Variants in GRIA3 observed in about 807,000 individuals in gnomAD.
GRIA3 encodes glutamate receptor 3.
GRIA3 carries 3 observed loss-of-function variants against 63.0 expected under a neutral mutation model. The ratio of observed to expected loss-of-function variants is 0.05; its 90% CI spans 0.02 to 0.12. GRIA3 has a LOEUF of 0.12. Ranked by LOEUF, GRIA3 falls within the 10% of genes least tolerant of loss-of-function variation. The pLI, the probability that GRIA3 is intolerant of heterozygous loss-of-function variation, is 1.00. For missense variants in GRIA3, 347 were observed against 700.9 expected (o/e 0.50, Z 5.70); for synonymous variants, 274 against 257.9 (o/e 1.06, Z -0.60).
intron 12 of GRIA3, among the ~76,000 whole-genome samples, chrX:123,446,964 G>A (rs1288822281): frequency 1.8e-5 from 2 of 112,302 alleles, no homozygotes; most frequent in Admixed American, 1.9e-4. Flanking sequence ...TGTTTTTCAA[G>A]TTACTGTATT....
chrX:123,188,684 AG>A, intron 2 of GRIA3, among the ~76,000 whole-genome samples: 1 of 111,730 alleles, frequency 9.0e-6, no homozygotes, highest in Non-Finnish European at 1.9e-5. Context: ...CAAAAATTAA[AG>A]AAACTTTCCC....
At chrX:123,229,396 T>A (rs987450836) in intron 2 of GRIA3, among the ~76,000 whole-genome samples, 3 of 112,250 alleles carry the variant, frequency 2.7e-5, no homozygotes, top group African/African-American at 9.7e-5. Flanking sequence ...TCACAGTTAC[T>A]TTTTTTGCTT....
chrX:123,297,986 T>C (rs1027883608), intron 3 of GRIA3, among the ~76,000 whole-genome samples: 2 of 111,401 alleles, frequency 1.8e-5, no homozygotes, highest in Non-Finnish European at 1.9e-5. Flanking sequence ...TTTGTTTTTC[T>C]GTTCCTGTGT....
chrX:123,289,202 A>G (rs2213497), intron 3 of GRIA3, among the ~76,000 whole-genome samples: 16,005 of 109,959 alleles, frequency 0.15, 1,120 homozygotes, highest in Non-Finnish European at 0.21. Flanking sequence ...TCTCACTCAC[A>G]AGTGGGAGTT....
chrX:123,439,907 A>G (rs758529638), intron 12 of GRIA3, among the ~76,000 whole-genome samples: 4 of 111,085 alleles, frequency 3.6e-5, no homozygotes, highest in Non-Finnish European at 5.7e-5. Flanking sequence ...TAAGTCCAGT[A>G]CCCAATAGTT....
chrX:123,264,980 T>C (rs757170185), intron 3 of GRIA3, among the ~76,000 whole-genome samples: 15 of 111,567 alleles, frequency 1.3e-4, no homozygotes, highest in Non-Finnish European at 2.4e-4. Context: ...TTTCTGGTCC[T>C]CAGATTCCAC....
chrX:123,218,512 T>G (rs1928215812), intron 2 of GRIA3, among the ~76,000 whole-genome samples: 1 of 111,380 alleles, frequency 9.0e-6, no homozygotes, highest in Admixed American at 9.5e-5. Flanking sequence ...CAGGCTGGAG[T>G]GCAGTGGCGC....
At chrX:123,258,128 C>T (rs1446546613) in intron 3 of GRIA3, among the ~76,000 whole-genome samples, 1 of 112,506 alleles carries the variant, frequency 8.9e-6, no homozygotes, top group Non-Finnish European at 1.9e-5. Flanking sequence ...TATGTTTACA[C>T]CTGCCCTCCC....
At chrX:123,395,578 A>G (rs1603132354) in intron 6 of GRIA3, among the ~76,000 whole-genome samples, 1 of 112,072 alleles carries the variant, frequency 8.9e-6, no homozygotes, top group East Asian at 2.8e-4. Flanking sequence ...TAAAGAGTGT[A>G]CATTGCCTAT....
At chrX:123,474,950 G>A (rs1456408428) in intron 13 of GRIA3, among the ~76,000 whole-genome samples, 1 of 111,075 alleles carries the variant, frequency 9.0e-6, no homozygotes, top group Non-Finnish European at 1.9e-5. Flanking sequence ...GAGATAAGCA[G>A]AAATTTTTAT....
chrX:123,315,262 T>C (rs1159596572), intron 3 of GRIA3, among the ~76,000 whole-genome samples: 1 of 112,122 alleles, frequency 8.9e-6, no homozygotes. Flanking sequence ...AACGGTAAAT[T>C]AAGGATTGAA....
At position 123,482,784 on chromosome X, in the gene GRIA3, G is replaced by A. The variant is rs1569443319; in HGVS notation, c.2440-15G>A. 2 of 1,208,473 alleles carry A rather than the reference G, an allele frequency of 1.7e-6. No homozygotes were observed. Among genetic ancestry groups the A allele is most frequent in the Non-Finnish European group, 2.2e-6 (2 of 893,716 alleles). Reference sequence around the variant, plus strand: ...GTTTTCCCCAAGATCTAATCACGTTGTTCATTTCTCTTAGGACAAGACCAG... The same window carrying A: ...GTTTTCCCCAAGATCTAATCACGTTATTCATTTCTCTTAGGACAAGACCAG... On this transcript the variant is annotated splice_polypyrimidine_tract_variant and intron_variant, in intron 14 of 15. Coordinates refer to ENST00000620443, the MANE Select transcript of GRIA3 (RefSeq NM_007325.5).
intron 4 of GRIA3, among the ~76,000 whole-genome samples, chrX:123,347,358 A>G (rs2045058255): frequency 8.9e-6 from 1 of 112,534 alleles, no homozygotes; most frequent in Non-Finnish European, 1.9e-5. Flanking sequence ...CCCAGTAGAA[A>G]GAGAAATCTG....
At chrX:123,339,740 C>T (rs2044997420) in intron 4 of GRIA3, among the ~76,000 whole-genome samples, 1 of 112,131 alleles carries the variant, frequency 8.9e-6, no homozygotes, top group African/African-American at 3.2e-5. Context: ...TCAGCATGAA[C>T]GCTAGTAAGA....
rs995826662 is a variant in GRIA3, at chrX:123,314,350, G to C, written c.509-11676G>C. The stretch of plus-strand genomic sequence containing the variant: ...CTCCTGCCCTCTGTGAGTTTGCATC[G>C]CAGGCAGTCTATCCCAGAACAATTA... On this transcript the variant is annotated intron_variant, in intron 3 of 15. Transcript: ENST00000620443. 8.9e-5 allele frequency among the ~76,000 whole-genome samples: 10 copies of C among 112,593 alleles called. No individual in the cohort carries two copies. In the East Asian group the frequency reaches 2.8e-3, roughly 31 times the overall value.
intron 4 of GRIA3, among the ~76,000 whole-genome samples, chrX:123,329,104 T>A (rs1394364451): frequency 2.7e-5 from 3 of 111,792 alleles, no homozygotes; most frequent in Non-Finnish European, 5.7e-5. Context: ...TCCCTAGAGA[T>A]GCTCCCATCC....
chrX:123,337,623 G>A (rs1488973852), intron 4 of GRIA3, among the ~76,000 whole-genome samples: 3 of 111,789 alleles, frequency 2.7e-5, no homozygotes, highest in African/African-American at 9.8e-5. Flanking sequence ...AAAATAGAGT[G>A]TGACCTCAGT....
intron 12 of GRIA3, among the ~76,000 whole-genome samples, chrX:123,449,739 C>T (rs1027721167): frequency 8.9e-6 from 1 of 111,876 alleles, no homozygotes; most frequent in African/African-American, 3.3e-5. Context: ...TTTAGTGGCC[C>T]CATTTGGCAC....
intron 3 of GRIA3, among the ~76,000 whole-genome samples, chrX:123,260,422 C>CAGAAAGAAAGAA (rs764729147): frequency 0.027 from 158 of 5,819 alleles, 23 homozygotes; most frequent in Middle Eastern, 0.059. Flanking sequence ...GACAGACAGA[C>CAGAAAGAAAGAA]AGACAGAAAG....
Sources: allele counts gnomAD v4.1 joint callset (sites outside exome capture counted in the v4.1 genomes callset), GRCh38; gene constraint gnomAD v4.1.1; transcripts MANE v1.5; gene names NCBI Gene and HGNC (gene_info 2026-07-23, HGNC 2026-07-21).